The following OCSTAMP variants were observed in gnomAD, a reference collection of about 807,000 sequenced individuals.
OCSTAMP encodes osteoclast stimulatory transmembrane protein.
OCSTAMP carries 17 observed loss-of-function variants against 25.2 expected under a neutral mutation model. That is an observed-to-expected ratio of 0.68 (90% CI 0.46 to 1.01). The LOEUF (loss-of-function observed/expected upper bound fraction) is 1.01. Ranked by LOEUF, OCSTAMP falls within the 50% of genes least tolerant of loss-of-function variation. The pLI, the probability that OCSTAMP is intolerant of heterozygous loss-of-function variation, is 0.00. For missense variants in OCSTAMP, 664 were observed against 694.6 expected, an observed-to-expected ratio of 0.96 and a Z score of 0.50; for synonymous variants, 345 against 318.9, an observed-to-expected ratio of 1.08 and a Z score of -0.87.
chr20:46,545,203 A>G, intron 2 of OCSTAMP, 124 bp downstream of exon 2: 1 of 1,065,498 alleles, frequency 9.4e-7, no homozygotes, highest in Non-Finnish European at 1.3e-6. Flanking sequence ...ATGGGGCCCC[A>G]TGGATGATTC....
In OCSTAMP at chr20:46,550,557, G is replaced by A. The variant is rs536454073; in HGVS notation, c.4C>T (p.Pro2Ser). ...TGCTCAGCTGCTCCTGGGTGGCCTG[G>A]CATGCTGTCCAAATGGCAGTGGTTT... The part of the protein sequence containing the change: M[P>S]GHPGAAEQLV... Residue 2 changes from proline to serine, a missense_variant, in exon 1 of 3, where the codon CCA becomes TCA. By Grantham distance (74) the Pro-to-Ser change is moderately conservative (BLOSUM62 -1). Coordinates refer to ENST00000279028, the MANE Select transcript of OCSTAMP (RefSeq NM_080721.3). The A allele has an allele frequency of 9.4e-5, 146 of 1,551,666 alleles. 8 individuals carry two copies. The Middle Eastern group carries it at 0.016, about 169-fold the overall frequency.
At chr20:46,543,611 T>C (rs1265955727) in intron 2 of OCSTAMP, among the ~76,000 whole-genome samples, 1 of 152,090 alleles carries the variant, frequency 6.6e-6, no homozygotes, top group Non-Finnish European at 1.5e-5. Flanking sequence ...GGATTATAGA[T>C]AGGCATGAGC....
chr20:46,543,925 C>A (rs1257075346), intron 2 of OCSTAMP, among the ~76,000 whole-genome samples: 1 of 152,098 alleles, frequency 6.6e-6, no homozygotes, highest in Non-Finnish European at 1.5e-5. Flanking sequence ...ATGCATTTTA[C>A]AGGCCAGGCA....
chr20:46,550,121 T>A (rs2061866182), intron 1 of OCSTAMP, among the ~76,000 whole-genome samples: 1 of 152,146 alleles, frequency 6.6e-6, no homozygotes, highest in South Asian at 2.1e-4. Flanking sequence ...ATAATTAATA[T>A]TTGGAACACA....
chr20:46,543,305 C>CTTTCTTTCTTTCTTT (rs1555872068), intron 2 of OCSTAMP, among the ~76,000 whole-genome samples: 7 of 128,374 alleles, frequency 5.5e-5, no homozygotes, highest in African/African-American at 2.1e-4. Flanking sequence ...CTTTCTCTTT[C>CTTTCTTTCTTTCTTT]CTTTCTTTCT....
Position 46,550,462 on chromosome 20 carries a change from A to G in OCSTAMP, c.44+55T>C, listed in dbSNP as rs73307274. On this transcript the variant is annotated intron_variant, in intron 1 of 2. Coordinates refer to ENST00000279028, the MANE Select transcript of OCSTAMP (RefSeq NM_080721.3). ...TTTGGGTTCATATCCATCACCCCCA[A>G]TGGCTGACTGTTTTCTCACCTGTAG... 2.7e-4 allele frequency: 409 copies of G among 1,495,272 alleles called. 1 individual carries two copies. In the African/African-American group the frequency reaches 4.7e-3, roughly 17 times the overall value. The allele number at this position is 1,495,272 out of a possible 1,614,324, so 92.6% of individuals were successfully genotyped here.
chr20:46,542,977 G>A (rs934811240), intron 2 of OCSTAMP, among the ~76,000 whole-genome samples: 1 of 152,176 alleles, frequency 6.6e-6, no homozygotes, highest in Admixed American at 6.5e-5. Context: ...GTGAGGGCCC[G>A]CAGCTTGCAA....
intron 2 of OCSTAMP, among the ~76,000 whole-genome samples, chr20:46,543,874 C>A (rs1336483730): frequency 1.3e-5 from 2 of 152,108 alleles, no homozygotes; most frequent in Admixed American, 6.5e-5. Flanking sequence ...ATGCTTAGAA[C>A]ATTGCCTGAC....
Position 46,545,746 on chromosome 20 carries a change from C to T in OCSTAMP, c.628G>A (p.Asp210Asn). ...GCCAGGGACTCCAGGCCAGAGAAATCCTCCAGGACCTGCTGAGTGACCCTG... is the reference window on the plus strand; with the variant it reads ...GCCAGGGACTCCAGGCCAGAGAAATTCTCCAGGACCTGCTGAGTGACCCTG... ...MLRVTQQVLE[D>N]FSGLESLARA... Residue 210 changes from aspartate (D) to asparagine (N), a missense_variant, in exon 2 of 3, where the codon GAT becomes AAT. Transcript: ENST00000279028. 1 of 1,551,648 alleles carries T rather than the reference C, an allele frequency of 6.4e-7. No homozygotes were observed. The highest frequency in any genetic ancestry group is 8.7e-7 in the Non-Finnish European group (1 of 1,147,002).
At chr20:46,549,121 A>G (rs567197924) in intron 1 of OCSTAMP, among the ~76,000 whole-genome samples, 1 of 152,328 alleles carries the variant, frequency 6.6e-6, no homozygotes, top group East Asian at 1.9e-4. Flanking sequence ...CTGTTTTTCT[A>G]CAGGCAGTGT....
chr20:46,548,522 GA>G (rs1399379958), intron 1 of OCSTAMP, among the ~76,000 whole-genome samples: 1 of 152,314 alleles, frequency 6.6e-6, no homozygotes, highest in Middle Eastern at 3.4e-3. Flanking sequence ...GCTTGAAGAG[GA>G]AGAAGAAAGT....
At position 46,541,940 on chromosome 20, in the gene OCSTAMP, G is replaced by C; in HGVS notation, c.1048-13C>G. On this transcript the variant is annotated splice_polypyrimidine_tract_variant and intron_variant, in intron 2 of 2. Transcript: ENST00000279028. ...CAGTGTATGCCACCTTGGGAAAGGAGAAAAAGGCAGGGTCAACTGAGGGCC... is the reference window on the plus strand; with the variant it reads ...CAGTGTATGCCACCTTGGGAAAGGACAAAAAGGCAGGGTCAACTGAGGGCC... The C allele has an allele frequency of 7.0e-7, 1 of 1,418,914 alleles. No individual in the cohort carries two copies. Among genetic ancestry groups the C allele is most frequent in the Middle Eastern group, 2.4e-4 (1 of 4,102 alleles). 87.9% of individuals were successfully genotyped at this position (1,418,914 alleles called of 1,614,324 possible).
intron 1 of OCSTAMP, 125 bp from the exon 2 acceptor site, chr20:46,546,454 A>AAG: frequency 3.8e-6 from 3 of 782,714 alleles, no homozygotes; most frequent in Non-Finnish European, 4.0e-6. Flanking sequence ...GTAGTTACCC[A>AAG]GGTGGACCAA....
At position 46,541,553 on chromosome 20, in the gene OCSTAMP, A is replaced by G; in HGVS notation, c.1422T>C (p.Pro474=). 1 of 1,551,722 alleles carries G rather than the reference A, an allele frequency of 6.4e-7. No individual in the cohort carries two copies. The highest frequency in any genetic ancestry group is 8.7e-7 in the Non-Finnish European group (1 of 1,146,990). The change falls in exon 3 of 3, where the codon CCT becomes CCC. Residue 474 remains proline (P), a synonymous_variant. Coordinates refer to ENST00000279028, the MANE Select transcript of OCSTAMP (RefSeq NM_080721.3). ...GDPSCVPTPR[P]ACKPPAWIDY... is the part of the protein sequence containing the mutation. ...CTATCCATGCCGGAGGCTTGCAGGC[A>G]GGTCTGGGTGTGGGGACGCAAGAAG...
intron 1 of OCSTAMP, among the ~76,000 whole-genome samples, chr20:46,547,435 C>A (rs2061856593): frequency 6.6e-6 from 1 of 152,116 alleles, no homozygotes; most frequent in African/African-American, 2.4e-5. Flanking sequence ...GAAAGACATC[C>A]AAGGACATGC....
chr20:46,549,808 C>CTG lies in OCSTAMP; in HGVS notation c.44+707_44+708dup, dbSNP rs3971980. ...CAAATGTGCCTTATTGTGGCCCACT[C>CTG]TGTGTGTGTGTGTGTGTGTGTAAGC... On this transcript the variant is annotated intron_variant, in intron 1 of 2. Coordinates refer to ENST00000279028, the MANE Select transcript of OCSTAMP (RefSeq NM_080721.3). Among the ~76,000 whole-genome samples, 811 of 149,260 alleles carry CTG rather than the reference C, an allele frequency of 5.4e-3. 7 individuals carry two copies. The highest frequency in any genetic ancestry group is 0.018 in the African/African-American group (724 of 40,632).
intron 1 of OCSTAMP, among the ~76,000 whole-genome samples, chr20:46,550,100 C>T (rs1312371335): frequency 2.6e-5 from 4 of 152,122 alleles, no homozygotes; most frequent in African/African-American, 9.7e-5. Context: ...CTAAACACCC[C>T]CTTCTACTAT....
chr20:46,545,552 G>T lies in OCSTAMP; in HGVS notation c.822C>A (p.His274Gln). ...TQRLAQAQAT[H>Q]LLAPPPTWLL... ...GCCAGGTGGGTGGAGGGGCCAGGAG[G>T]TGTGTAGCCTGGGCCTGTGCCAACC... The change falls in exon 2 of 3, where the codon CAC becomes CAA. Residue 274 changes from histidine (H) to glutamine (Q), a missense_variant. His to Gln is a conservative substitution (Grantham distance 24). Coordinates refer to ENST00000279028, the MANE Select transcript of OCSTAMP (RefSeq NM_080721.3). The T allele has an allele frequency of 5.8e-6, 9 of 1,551,646 alleles. No individual in the cohort carries two copies. The highest frequency in any genetic ancestry group is 7.8e-6 in the Non-Finnish European group (9 of 1,146,964).
At chr20:46,542,186 A>G (rs899980332) in intron 2 of OCSTAMP, among the ~76,000 whole-genome samples, 13 of 152,216 alleles carry the variant, frequency 8.5e-5, no homozygotes, top group Non-Finnish European at 1.6e-4. Flanking sequence ...TTGTCTATGG[A>G]TGTTTGCTCC....
Sources: allele counts gnomAD v4.1 joint callset (sites outside exome capture counted in the v4.1 genomes callset), GRCh38; gene constraint gnomAD v4.1.1; transcripts MANE v1.5; gene names NCBI Gene and HGNC (gene_info 2026-07-23, HGNC 2026-07-21).